The following CHEK2 variants were observed in gnomAD, a reference collection of about 807,000 sequenced individuals.
The protein encoded by CHEK2 is checkpoint kinase 2, also known as serine/threonine-protein kinase Chk2.
CHEK2 carries 71 observed loss-of-function variants against 69.1 expected under a neutral mutation model. That is an observed-to-expected ratio of 1.03 (90% confidence interval 0.85 to 1.25). The LOEUF (loss-of-function observed/expected upper bound fraction) is 1.25, where lower values mean the gene tolerates loss of function less well. Among genes scored for constraint, CHEK2 ranks in the 50% most tolerant of loss-of-function variants. CHEK2 has a pLI of 0.00. For missense variants in CHEK2, 664 were observed against 649.6 expected (o/e 1.02, Z -0.24); for synonymous variants, 189 against 226.9 (o/e 0.83, Z 1.50).
intron 8 of CHEK2, among the ~76,000 whole-genome samples, chr22:28,702,473 T>C (rs185659296): frequency 6.2e-4 from 94 of 151,216 alleles, no homozygotes; most frequent in Middle Eastern, 6.8e-3. Flanking sequence ...CTCCTGACCT[T>C]GTGATCCGCC....
chr22:28,703,525 A>C lies in CHEK2; in HGVS notation c.888T>G (p.Asp296Glu), dbSNP rs876660742. 5 of 1,533,270 alleles carry C rather than the reference A, an allele frequency of 3.3e-6. No homozygotes were observed. Among genetic ancestry groups the C allele is most frequent in the Non-Finnish European group, 4.5e-6 (5 of 1,114,670 alleles). 95.0% of individuals were successfully genotyped at this position (1,533,270 alleles called of 1,614,324 possible). A position where few individuals can be genotyped will look rare whatever the true frequency, so the allele number is the denominator to read the frequency against. Residue 296 changes from aspartate to glutamate, a missense_variant, in exon 8 of 15, where the codon GAT becomes GAG. Coordinates refer to ENST00000404276, the MANE Select transcript of CHEK2 (RefSeq NM_007194.4). The part of the protein sequence containing the change: ...IKIKNFFDAE[D>E]YYIVLELMEG... ...CTTACAATTCCAAAACAATATAATA[A>C]TCTTCTGCATCAAAAAAGTTTTTAA... is the stretch of plus-strand genomic sequence containing the variant.
At chr22:28,709,099 C>T (rs979187860) in intron 7 of CHEK2, 10 of 186,530 alleles carry the variant, frequency 5.4e-5, no homozygotes, top group South Asian at 1.5e-4. Flanking sequence ...AAGGAAGAAA[C>T]GGGAAAAAAA....
At chr22:28,737,951 A>AAC (rs1378123981) in intron 1 of CHEK2, 1 of 152,336 alleles carries the variant, frequency 6.6e-6, no homozygotes, top group East Asian at 1.9e-4. Flanking sequence ...CATGTCTGTA[A>AAC]TCCCAGCACT....
intron 2 of CHEK2, 24 bp downstream of exon 2, chr22:28,734,379 A>G (rs1054327873): frequency 1.2e-6 from 2 of 1,609,234 alleles, no homozygotes; most frequent in South Asian, 2.2e-5. Flanking sequence ...ACAAAACGTG[A>G]TACTATACAA....
At chr22:28,712,080 TG>T in intron 5 of CHEK2, 63 bp from the exon 6 acceptor site, 1 of 1,145,378 alleles carries the variant, frequency 8.7e-7, no homozygotes, top group Non-Finnish European at 1.3e-6. Flanking sequence ...CTACCACTCC[TG>T]GGTCCACTTC....
intron 5 of CHEK2, among the ~76,000 whole-genome samples, chr22:28,717,609 C>T (rs920314129): frequency 6.6e-6 from 1 of 151,876 alleles, no homozygotes; most frequent in South Asian, 2.1e-4. Context: ...GGAGTGGTGG[C>T]TCACGCCTAT....
intron 4 of CHEK2, among the ~76,000 whole-genome samples, chr22:28,722,263 G>A (rs572900726): frequency 2.0e-5 from 3 of 151,946 alleles, no homozygotes; most frequent in South Asian, 2.1e-4. Flanking sequence ...AATGGTCGCC[G>A]GGCGCGGTGG....
Position 28,711,970 on chromosome 22 carries a change from T to C in CHEK2, c.731A>G (p.Lys244Arg), listed in dbSNP as rs587778193. 15 of 1,613,930 alleles carry C rather than the reference T, an allele frequency of 9.3e-6. No homozygotes were observed. The African/African-American group carries it at 1.1e-4, about 11-fold the overall frequency. ...VKLAFERKTC[K>R]KVAIKIISKR... ...GCTGATGATCTTTATGGCTACTTTC[T>C]TACATGTTTTCCTCTCGAAAGCCAG... is the stretch of plus-strand genomic sequence containing the variant. The change falls in exon 6 of 15, where the codon AAG becomes AGG. Residue 244 changes from lysine (K) to arginine (R), a missense_variant. Lys to Arg is a conservative substitution (Grantham distance 26). Transcript: ENST00000404276.
chr22:28,704,895 A>G lies in CHEK2; in HGVS notation c.847-1329T>C, dbSNP rs188142621. ...CACTCTGATTAAGATCATCCAATGG[A>G]ACCTTCCCACAATGAATTGTTATAT... On this transcript the variant is annotated intron_variant, in intron 7 of 14. Coordinates refer to ENST00000404276, the MANE Select transcript of CHEK2 (RefSeq NM_007194.4). Among the ~76,000 whole-genome samples the G allele has an allele frequency of 1.7e-3, 264 of 152,308 alleles. 1 individual carries two copies. Among genetic ancestry groups the G allele is most frequent in the South Asian group, 8.7e-3 (42 of 4,824 alleles).
intron 13 of CHEK2, among the ~76,000 whole-genome samples, chr22:28,692,352 T>G (rs1408804139): frequency 1.3e-5 from 2 of 152,210 alleles, no homozygotes; most frequent in Admixed American, 1.3e-4. Context: ...CCAAACCCCT[T>G]TCCTCCAGGG....
intron 6 of CHEK2, among the ~76,000 whole-genome samples, chr22:28,710,499 C>A (rs1332255111): frequency 2.6e-5 from 4 of 152,118 alleles, no homozygotes; most frequent in Non-Finnish European, 4.4e-5. Context: ...AAAACATGAA[C>A]AAGAAGGTGT....
chr22:28,691,594 G>C (rs930839357), intron 13 of CHEK2, among the ~76,000 whole-genome samples: 5 of 152,258 alleles, frequency 3.3e-5, no homozygotes, highest in African/African-American at 1.2e-4. Flanking sequence ...ACTTTGTGAG[G>C]CTGAGGCGGG....
chr22:28,736,647 CT>C (rs1255874811), intron 1 of CHEK2, among the ~76,000 whole-genome samples: 1 of 152,152 alleles, frequency 6.6e-6, no homozygotes, highest in Non-Finnish European at 1.5e-5. Context: ...GACAGTTAGA[CT>C]GTCATAACAG....
At chr22:28,712,423 A>G (rs1318943065) in intron 5 of CHEK2, among the ~76,000 whole-genome samples, 1 of 152,268 alleles carries the variant, frequency 6.6e-6, no homozygotes, top group South Asian at 2.1e-4. Context: ...CTGCAAATGA[A>G]TAACTTTAAT....
chr22:28,712,633 T>C (rs2053445016), intron 5 of CHEK2, among the ~76,000 whole-genome samples: 1 of 152,298 alleles, frequency 6.6e-6, no homozygotes, highest in Admixed American at 6.5e-5. Flanking sequence ...CTCCAAGCCA[T>C]TACCCAGAAC....
intron 13 of CHEK2, among the ~76,000 whole-genome samples, chr22:28,690,062 T>C (rs1279021175): frequency 2.6e-5 from 4 of 152,188 alleles, no homozygotes; most frequent in African/African-American, 9.7e-5. Context: ...CCCAGAGTTA[T>C]CTGATTCCAG....
intron 2 of CHEK2, among the ~76,000 whole-genome samples, chr22:28,729,925 AT>A (rs375179038): frequency 1.2e-4 from 18 of 148,580 alleles, no homozygotes; most frequent in African/African-American, 4.0e-4. Flanking sequence ...GCCAGAAAGC[AT>A]TTTTTTTTTC....
At chr22:28,703,711 G>A in intron 7 of CHEK2, 145 bp from the exon 8 acceptor site, 1 of 649,686 alleles carries the variant, frequency 1.5e-6, no homozygotes, top group Non-Finnish European at 2.8e-6. Context: ...AGTTCAATCA[G>A]GGGAGAAGGC....
chr22:28,702,428 C>T (rs932593716), intron 8 of CHEK2, among the ~76,000 whole-genome samples: 35 of 151,130 alleles, frequency 2.3e-4, no homozygotes, highest in African/African-American at 4.9e-4. Context: ...TTAGTAGAGA[C>T]AGGGTTTCAC....
Sources: allele counts gnomAD v4.1 joint callset (sites outside exome capture counted in the v4.1 genomes callset), GRCh38; gene constraint gnomAD v4.1.1; transcripts MANE v1.5; gene names NCBI Gene and HGNC (gene_info 2026-07-23, HGNC 2026-07-21).